The following SND1 variants were observed in gnomAD, a reference collection of about 807,000 sequenced individuals.
The protein encoded by SND1 is staphylococcal nuclease domain-containing protein 1.
SND1 carries 38 observed loss-of-function variants against 121.7 expected under a neutral mutation model. The ratio of observed to expected loss-of-function variants is 0.31; its 90% confidence interval spans 0.24 to 0.41. The LOEUF is 0.41. Ranked by LOEUF, SND1 falls within the 10% of genes least tolerant of loss-of-function variation. The pLI is 1.00. For synonymous variants in SND1, 401 were observed against 447.4 expected (o/e 0.90, Z 1.31); for missense variants, 868 against 1,184.6 (o/e 0.73, Z 3.92).
At chr7:128,079,849 C>T (rs1156464042) in intron 17 of SND1, among the ~76,000 whole-genome samples, 1 of 152,202 alleles carries the variant, frequency 6.6e-6, no homozygotes. Context: ...GTCCTCATCT[C>T]CCTCCCCACC....
chr7:127,720,212 A>G (rs555806261), intron 9 of SND1, among the ~76,000 whole-genome samples: 1 of 152,304 alleles, frequency 6.6e-6, no homozygotes, highest in South Asian at 2.1e-4. Flanking sequence ...TGTTTCACGC[A>G]TGAAAGAGGA....
rs541604407 is a variant in SND1, at chr7:127,902,717, C to A, written c.1455-2030C>A. 1.5e-3 allele frequency among the ~76,000 whole-genome samples: 210 copies of A among 138,822 alleles called. 9 individuals carry two copies. The South Asian group carries it at 0.053, about 35-fold the overall frequency. 91.1% of individuals were successfully genotyped at this position (138,822 alleles called of 152,430 possible). On this transcript the variant is annotated intron_variant, in intron 13 of 23. Transcript: ENST00000354725. ...AAATATTTTTACCCATTTACAATTT[C>A]TTTTACTTTTTTTTTTTGAGACAAA...
intron 10 of SND1, among the ~76,000 whole-genome samples, chr7:127,733,538 A>G (rs1273750991): frequency 2.0e-5 from 3 of 152,140 alleles, no homozygotes; most frequent in Admixed American, 2.0e-4. Context: ...GTCCATATAT[A>G]TGGTTCTAAG....
At chr7:127,662,901 T>C (rs148956906) in intron 1 of SND1, among the ~76,000 whole-genome samples, 3,314 of 150,192 alleles carry the variant, frequency 0.022, 67 homozygotes, top group South Asian at 0.049. Flanking sequence ...TTTTTTTTTT[T>C]TTTTTTTTTG....
At chr7:127,657,110 A>G (rs189140217) in intron 1 of SND1, among the ~76,000 whole-genome samples, 1 of 152,350 alleles carries the variant, frequency 6.6e-6, no homozygotes, top group Non-Finnish European at 1.5e-5. Context: ...ATCATAAGCA[A>G]TCATACTTCC....
intron 1 of SND1, among the ~76,000 whole-genome samples, chr7:127,653,010 G>C (rs989011751): frequency 6.6e-6 from 1 of 152,152 alleles, no homozygotes; most frequent in African/African-American, 2.4e-5. Flanking sequence ...TAAAAGGTTA[G>C]GCCGGCAAGA....
intron 1 of SND1, among the ~76,000 whole-genome samples, chr7:127,656,257 A>G (rs1171182545): frequency 1.3e-5 from 2 of 151,766 alleles, no homozygotes; most frequent in African/African-American, 2.4e-5. Flanking sequence ...AATCCCACCT[A>G]TAATTCAGTT....
intron 10 of SND1, among the ~76,000 whole-genome samples, chr7:127,722,818 TC>T (rs1796519577): frequency 6.6e-6 from 1 of 152,196 alleles, no homozygotes; most frequent in Admixed American, 6.5e-5. Flanking sequence ...TCTCTTTTTT[TC>T]CCTTAGAGGA....
intron 18 of SND1, among the ~76,000 whole-genome samples, chr7:128,082,831 C>G (rs1282729798): frequency 6.6e-6 from 1 of 152,222 alleles, no homozygotes; most frequent in Non-Finnish European, 1.5e-5. Flanking sequence ...CAGGCAGGCT[C>G]TACTCAGCCT....
intron 10 of SND1, among the ~76,000 whole-genome samples, chr7:127,790,968 T>C (rs1797898194): frequency 6.6e-6 from 1 of 152,192 alleles, no homozygotes; most frequent in Non-Finnish European, 1.5e-5. Flanking sequence ...AGAACTGGGC[T>C]AGCATGCTTG....
chr7:127,943,083 G>A (rs1801252428), intron 15 of SND1, among the ~76,000 whole-genome samples: 1 of 152,146 alleles, frequency 6.6e-6, no homozygotes, highest in African/African-American at 2.4e-5. Context: ...ATGAGTGCTG[G>A]GTGGTTGGTA....
At chr7:128,054,061 C>A (rs1230765782) in intron 16 of SND1, among the ~76,000 whole-genome samples, 1 of 152,244 alleles carries the variant, frequency 6.6e-6, no homozygotes, top group Non-Finnish European at 1.5e-5. Context: ...CCGCTAAGGC[C>A]ACTGTCAGTA....
chr7:128,040,910 A>G (rs1170483677), intron 16 of SND1, among the ~76,000 whole-genome samples: 3 of 152,218 alleles, frequency 2.0e-5, no homozygotes, highest in Non-Finnish European at 2.9e-5. Context: ...TTTCAATTGT[A>G]TGCCTCCAGC....
At chr7:127,741,132 T>C (rs991872246) in intron 10 of SND1, among the ~76,000 whole-genome samples, 7 of 152,274 alleles carry the variant, frequency 4.6e-5, no homozygotes, top group African/African-American at 1.4e-4. Context: ...TGTCCTATAG[T>C]TTGTGCCAGT....
At chr7:128,030,640 T>C in intron 16 of SND1, 1 of 1,554,820 alleles carries the variant, frequency 6.4e-7, no homozygotes, top group Non-Finnish European at 8.7e-7. Flanking sequence ...AAGAGCTTCA[T>C]GGTGTGGCAC....
rs144671057 is a variant in SND1 at position 127,730,166 on chromosome 7, C to T, written c.1152+8766C>T. On this transcript the variant is annotated intron_variant, in intron 10 of 23. Transcript: ENST00000354725. ...TATTTTTAGTAGAGATGGTGTTTCT[C>T]CATGTTGGTTAGGCTGGTCTCAAAC... Among the ~76,000 whole-genome samples the T allele has an allele frequency of 4.5e-3, 691 of 152,262 alleles. 7 individuals are homozygous for T. Among genetic ancestry groups the T allele is most frequent in the African/African-American group, 0.016 (667 of 41,550 alleles).
At chr7:127,680,043 AAG>A (rs1795689259) in intron 1 of SND1, among the ~76,000 whole-genome samples, 1 of 152,164 alleles carries the variant, frequency 6.6e-6, no homozygotes, top group Non-Finnish European at 1.5e-5. Context: ...CAGAGTACAA[AAG>A]AGAGAAATTT....
At chr7:127,865,878 C>T (rs1425459955) in intron 12 of SND1, among the ~76,000 whole-genome samples, 1 of 151,416 alleles carries the variant, frequency 6.6e-6, no homozygotes, top group Non-Finnish European at 1.5e-5. Context: ...CTTCATCTAC[C>T]CTTTGTATGC....
At chr7:127,992,278 A>T (rs1296339919) in intron 16 of SND1, among the ~76,000 whole-genome samples, 3 of 152,194 alleles carry the variant, frequency 2.0e-5, no homozygotes, top group East Asian at 3.8e-4. Flanking sequence ...CCCGTTTTGT[A>T]GTTACACAAT....
Sources: gnomAD v4.1 joint callset for allele counts (sites outside exome capture counted in the v4.1 genomes callset) on GRCh38, gnomAD v4.1.1 for gene constraint, MANE v1.5 for transcripts, NCBI Gene and HGNC (gene_info 2026-07-23, HGNC 2026-07-21) for gene names.